The following DNAH5 variants were observed in gnomAD, a reference collection of about 807,000 sequenced individuals.
The protein encoded by DNAH5 is axonemal beta dynein heavy chain 5.
Under a neutral mutation model 518.2 loss-of-function variants are expected in DNAH5, and 372 were observed. The observed-to-expected ratio is 0.72, with a 90% CI of 0.66 to 0.78. The LOEUF (loss-of-function observed/expected upper bound fraction) is 0.78, where lower values mean the gene tolerates loss of function less well. Among genes scored for constraint, DNAH5 ranks in the 30% least tolerant of loss-of-function variants. DNAH5 has a pLI of 0.00. For missense variants in DNAH5, 5,523 were observed against 5,687.0 expected (o/e 0.97, Z 0.93); for synonymous variants, 2,039 against 2,025.9 (o/e 1.01, Z -0.17).
chr5:13,920,678 C>G, intron 5 of DNAH5, 61 bp from the exon 6 acceptor site: 1 of 1,596,222 alleles, frequency 6.3e-7, no homozygotes, highest in Non-Finnish European at 8.6e-7. Flanking sequence ...AGACTGTGGG[C>G]CCTGTGTTTT....
intron 1 of DNAH5, among the ~76,000 whole-genome samples, chr5:13,961,611 T>G (rs989363461): frequency 1.3e-5 from 2 of 151,688 alleles, no homozygotes; most frequent in South Asian, 2.1e-4. Flanking sequence ...ATCACTGCGC[T>G]CCAGCCCGGG....
upstream of DNAH5, among the ~76,000 whole-genome samples, chr5:13,947,721 T>C (rs1159595549): frequency 1.3e-5 from 2 of 152,190 alleles, no homozygotes; most frequent in Non-Finnish European, 2.9e-5. Flanking sequence ...TTTTCATGGA[T>C]TTCCATCTTT....
At chr5:13,812,924 G>T (rs1459161624) in intron 43 of DNAH5, among the ~76,000 whole-genome samples, 1 of 152,192 alleles carries the variant, frequency 6.6e-6, no homozygotes, top group Non-Finnish European at 1.5e-5. Context: ...ATTAGTTCAT[G>T]AATTTACCAT....
chr5:13,747,922 C>T (rs865820476), intron 65 of DNAH5, among the ~76,000 whole-genome samples: 58 of 152,252 alleles, frequency 3.8e-4, no homozygotes, highest in African/African-American at 9.6e-4. Context: ...GTTGCCATTG[C>T]TTTTGGTGTT....
chr5:13,834,054 A>T (rs749663503), intron 35 of DNAH5, among the ~76,000 whole-genome samples: 1 of 152,210 alleles, frequency 6.6e-6, no homozygotes, highest in Non-Finnish European at 1.5e-5. Context: ...GCAAAAGGGA[A>T]GCAAATCTTG....
intron 15 of DNAH5, chr5:13,899,693 C>A: frequency 6.2e-6 from 1 of 160,406 alleles, no homozygotes; most frequent in Non-Finnish European, 1.4e-5. Context: ...CATTCTACGG[C>A]ACCCCTGCTT....
chr5:13,857,832 C>T (rs542203483), intron 30 of DNAH5, among the ~76,000 whole-genome samples: 1 of 152,288 alleles, frequency 6.6e-6, no homozygotes, highest in East Asian at 1.9e-4. Context: ...AAACTGGACC[C>T]CTTCCTTACA....
In DNAH5 at chr5:13,944,497, G is replaced by C; in HGVS notation, c.-59C>G. 6.8e-7 allele frequency: 1 copy of C among 1,476,766 alleles called. No homozygotes were observed. Among genetic ancestry groups the C allele is most frequent in the Non-Finnish European group, 9.4e-7 (1 of 1,061,758 alleles). The allele number at this position is 1,476,766 out of a possible 1,614,324, so 91.5% of individuals were successfully genotyped here. A position where few individuals can be genotyped will look rare whatever the true frequency, so the allele number is the denominator to read the frequency against. On this transcript the variant is annotated 5_prime_UTR_variant, in exon 1 of 79. Coordinates refer to ENST00000265104, the MANE Select transcript of DNAH5 (RefSeq NM_001369.3). ...TTCCGGAATGGTCTTCTAACTCCTG[G>C]CAGACCTGCTCAACATCCAACAGGC...
Position 13,829,126 on chromosome 5 carries a change from C to G in DNAH5, c.6444+384G>C, listed in dbSNP as rs531941755. Among the ~76,000 whole-genome samples the G allele has an allele frequency of 1.6e-4, 24 of 152,250 alleles. No homozygotes were observed. In the East Asian group the frequency reaches 4.2e-3, roughly 27 times the overall value. Reference sequence around the variant, plus strand: ...ACATATAAACAAGACAGTTAGTAAACCTTGGTCAAATACTCAAGTGAGCTT... The same window carrying G: ...ACATATAAACAAGACAGTTAGTAAAGCTTGGTCAAATACTCAAGTGAGCTT... On this transcript the variant is annotated intron_variant, in intron 38 of 78. Coordinates refer to ENST00000265104, the MANE Select transcript of DNAH5 (RefSeq NM_001369.3).
In DNAH5 at chr5:13,713,466, T is replaced by TATAC. The variant is rs1158251022; in HGVS notation, c.13125+938_13125+939insGTAT. 5.1e-3 allele frequency among the ~76,000 whole-genome samples: 504 copies of TATAC among 98,266 alleles called. 4 individuals are homozygous for TATAC. The highest frequency in any genetic ancestry group is 7.6e-3 in the Non-Finnish European group (396 of 51,772). The allele number at this position is 98,266 out of a possible 152,430, so 64.5% of individuals were successfully genotyped here. A position where few individuals can be genotyped will look rare whatever the true frequency, so the allele number is the denominator to read the frequency against. ...ATATATATATATATATATATATATATACACACACCGATATATATATATATA... is the reference window on the plus strand; with the variant it reads ...ATATATATATATATATATATATATATATACACACACACCGATATATATATATATA... On this transcript the variant is annotated intron_variant, in intron 75 of 78. Transcript: ENST00000265104.
intron 65 of DNAH5, among the ~76,000 whole-genome samples, chr5:13,740,130 A>G (rs192237519): frequency 1.3e-5 from 2 of 152,166 alleles, no homozygotes; most frequent in African/African-American, 2.4e-5. Context: ...CTCAAATTCA[A>G]CAACAAATTC....
At chr5:13,920,734 G>T in intron 5 of DNAH5, 117 bp from the exon 6 acceptor site, 1 of 1,064,640 alleles carries the variant, frequency 9.4e-7, no homozygotes, top group Non-Finnish European at 1.4e-6. Context: ...CCACCAGGTA[G>T]CACATACCTC....
In DNAH5 at chr5:13,763,388, A is replaced by C. The variant is rs1017030384; in HGVS notation, c.10102-487T>G. Among the ~76,000 whole-genome samples, 13 of 152,352 alleles carry C rather than the reference A, an allele frequency of 8.5e-5. No homozygotes were observed. In the South Asian group the frequency reaches 1.7e-3, roughly 19 times the overall value. On this transcript the variant is annotated intron_variant, in intron 59 of 78. Coordinates refer to ENST00000265104, the MANE Select transcript of DNAH5 (RefSeq NM_001369.3). ...GACAGAAGTTTTATTAAACTCACCT[A>C]AAATGTGAAGATAATAACTTGGACA...
At chr5:13,764,902 C>T (rs1752307071) in intron 59 of DNAH5, among the ~76,000 whole-genome samples, 1 of 152,182 alleles carries the variant, frequency 6.6e-6, no homozygotes, top group Non-Finnish European at 1.5e-5. Context: ...AAGAATTCTG[C>T]AAACTTGTTA....
intron 59 of DNAH5, 77 bp downstream of exon 59, chr5:13,765,899 A>C: frequency 1.4e-6 from 2 of 1,428,152 alleles, no homozygotes; most frequent in Non-Finnish European, 2.0e-6. Context: ...TTTTTTTAGA[A>C]ACTTATTCTA....
intron 1 of DNAH5, among the ~76,000 whole-genome samples, chr5:13,981,358 C>T (rs1561039294): frequency 1.3e-5 from 2 of 152,204 alleles, no homozygotes; most frequent in East Asian, 1.9e-4. Context: ...TGCCCCAGCA[C>T]CCAGCACCGT....
chr5:13,786,473 C>T (rs1182017393), intron 51 of DNAH5, 122 bp from the exon 52 acceptor site: 6 of 1,038,946 alleles, frequency 5.8e-6, no homozygotes, highest in Middle Eastern at 2.9e-4. Context: ...AAGCTAAATG[C>T]CATAGTGTGT....
chr5:13,908,802 C>T (rs778934838), intron 12 of DNAH5, among the ~76,000 whole-genome samples: 2 of 152,212 alleles, frequency 1.3e-5, no homozygotes, highest in East Asian at 1.9e-4. Flanking sequence ...TTTGACACCA[C>T]CCTGATCCAA....
chr5:13,812,314 TTC>T (rs1760827304), intron 43 of DNAH5, among the ~76,000 whole-genome samples: 1 of 152,168 alleles, frequency 6.6e-6, no homozygotes, highest in South Asian at 2.1e-4. Context: ...AGGTTTTTTT[TTC>T]TTTTTTTGAG....
Sources: gnomAD v4.1 joint callset for allele counts (sites outside exome capture counted in the v4.1 genomes callset) on GRCh38, gnomAD v4.1.1 for gene constraint, MANE v1.5 for transcripts, NCBI Gene and HGNC (gene_info 2026-07-23, HGNC 2026-07-21) for gene names.